The following COL4A3 variants were observed in gnomAD, a reference collection of about 807,000 sequenced individuals.
COL4A3 encodes collagen alpha-3(IV) chain.
COL4A3 carries 135 observed loss-of-function variants against 217.4 expected under a neutral mutation model. The observed-to-expected ratio is 0.62, with a 90% CI of 0.54 to 0.72. The LOEUF is 0.72. Among genes scored for constraint, COL4A3 ranks in the 30% least tolerant of loss-of-function variants. The probability of loss-of-function intolerance (pLI) is 0.00; values close to 1 mark genes in which losing one functional copy is unlikely to be tolerated. For synonymous variants in COL4A3, 690 were observed against 736.3 expected (o/e 0.94, Z 1.02); for missense variants, 1,868 against 2,119.9 (o/e 0.88, Z 2.33).
chr2:227,252,283 G>A (rs1574695060), intron 11 of COL4A3, among the ~76,000 whole-genome samples: 2 of 140,940 alleles, frequency 1.4e-5, no homozygotes, highest in Admixed American at 7.3e-5. Flanking sequence ...GTGCGATCTC[G>A]GCTCACTGCA....
chr2:227,271,811 G>C (rs2071259574), intron 25 of COL4A3, among the ~76,000 whole-genome samples: 1 of 152,106 alleles, frequency 6.6e-6, no homozygotes, highest in Non-Finnish European at 1.5e-5. Context: ...GAGAGGGTGA[G>C]CACCTGTCAT....
At chr2:227,223,990 G>A (rs796091019) in intron 1 of COL4A3, among the ~76,000 whole-genome samples, 87 of 152,294 alleles carry the variant, frequency 5.7e-4, no homozygotes, top group African/African-American at 2.0e-3. Flanking sequence ...GCCTTTAGGT[G>A]TGGGCTCTGA....
At chr2:227,235,772 C>CTTTTTTTTTTTT (rs201024233) in intron 1 of COL4A3, among the ~76,000 whole-genome samples, 1 of 122,442 alleles carries the variant, frequency 8.2e-6, no homozygotes, top group African/African-American at 3.2e-5. Flanking sequence ...TATTTCATTC[C>CTTTTTTTTTTTT]TTTTTTTTTT....
At chr2:227,291,022 T>TA in intron 37 of COL4A3, 136 bp downstream of exon 37, 1 of 1,039,904 alleles carries the variant, frequency 9.6e-7, no homozygotes, top group Non-Finnish European at 1.4e-6. Flanking sequence ...TTTGGATTTT[T>TA]AAAATCCTAT....
chr2:227,303,197 G>A (rs900776645), intron 44 of COL4A3, 87 bp downstream of exon 44: 3 of 1,135,134 alleles, frequency 2.6e-6, no homozygotes, highest in Non-Finnish European at 4.0e-6. Flanking sequence ...CTGAAGTACA[G>A]ACAGCTGGGG....
At chr2:227,166,797 T>C (rs911517148) in intron 1 of COL4A3, among the ~76,000 whole-genome samples, 1 of 152,176 alleles carries the variant, frequency 6.6e-6, no homozygotes, top group South Asian at 2.1e-4. Flanking sequence ...AATCACAACG[T>C]TCACTGATAA....
rs2125972532 is a variant in COL4A3, at chr2:227,263,832, A to G, written c.1203A>G (p.Gly401=). The part of the protein sequence containing the change: ...RGAPGWPGLK[G]SKGERGRPGK... ...CCCCTGGATGGCCAGGCCTGAAAGG[A>G]AGTAAAGGGGAACGAGGCCGCCCAG... The change falls in exon 21 of 52, where the codon GGA becomes GGG. Residue 401 remains glycine, a synonymous_variant. Coordinates refer to ENST00000396578, the MANE Select transcript of COL4A3 (RefSeq NM_000091.5). 6.2e-7 allele frequency: 1 copy of G among 1,614,092 alleles called. No homozygotes were observed. The highest frequency in any genetic ancestry group is 1.1e-5 in the South Asian group (1 of 91,078).
Position 227,307,878 on chromosome 2 carries a change from T to C in COL4A3, c.4421T>C (p.Leu1474Pro), listed in dbSNP as rs200302125. Residue 1474 changes from leucine (L) to proline (P), a missense_variant, in exon 48 of 52, where the codon CTT becomes CCT. Physicochemically the swap from Leu to Pro is moderately conservative, Grantham distance 98. Transcript: ENST00000396578. ...TVPLYSGFSF[L>P]FVQGNQRAHG... is the part of the protein sequence containing the mutation. ...CCACTCTACAGTGGGTTTTCTTTTC[T>C]TTTTGTACAAGGAAATCAACGAGCC... The C allele has an allele frequency of 4.4e-3, 7,096 of 1,614,166 alleles. 23 individuals are homozygous for C. The highest frequency in any genetic ancestry group is 5.7e-3 in the Non-Finnish European group (6,705 of 1,180,002).
At chr2:227,262,208 T>C (rs1255067928) in intron 20 of COL4A3, among the ~76,000 whole-genome samples, 4 of 152,138 alleles carry the variant, frequency 2.6e-5, no homozygotes, top group African/African-American at 4.8e-5. Flanking sequence ...CTGTTAATAG[T>C]AGATATCTCT....
intron 17 of COL4A3, 103 bp downstream of exon 17, chr2:227,256,499 A>T (rs970025834): frequency 2.1e-6 from 2 of 949,588 alleles, no homozygotes; most frequent in Non-Finnish European, 3.5e-6. Context: ...ACAATAACAG[A>T]CTTCATTCAA....
At chr2:227,200,667 C>A (rs1304349703) in intron 1 of COL4A3, among the ~76,000 whole-genome samples, 1 of 152,174 alleles carries the variant, frequency 6.6e-6, no homozygotes. Flanking sequence ...TGTTTTGGGT[C>A]TCAATTGCAA....
chr2:227,169,684 G>A (rs950287384), intron 1 of COL4A3, among the ~76,000 whole-genome samples: 7 of 152,152 alleles, frequency 4.6e-5, no homozygotes, highest in African/African-American at 1.7e-4. Flanking sequence ...CTGCAAAAAT[G>A]TCTTCTTTTG....
chr2:227,259,201 A>G (rs1416426758), intron 18 of COL4A3: 1 of 152,250 alleles, frequency 6.6e-6, no homozygotes, highest in Non-Finnish European at 1.5e-5. Context: ...CCACTTAGGA[A>G]GGAAATGGTT....
chr2:227,257,128 C>A (rs1028070004), intron 17 of COL4A3, among the ~76,000 whole-genome samples: 6 of 152,312 alleles, frequency 3.9e-5, no homozygotes, highest in African/African-American at 1.4e-4. Context: ...CAAACATTGT[C>A]ATGTGGCACA....
intron 1 of COL4A3, among the ~76,000 whole-genome samples, chr2:227,181,825 G>T (rs1165122977): frequency 6.6e-6 from 1 of 152,016 alleles, no homozygotes; most frequent in Non-Finnish European, 1.5e-5. Context: ...TTTAATGACG[G>T]ACATATAGTA....
At chr2:227,294,426 T>C in intron 38 of COL4A3, 64 bp from the exon 39 acceptor site, 1 of 1,051,156 alleles carries the variant, frequency 9.5e-7, no homozygotes, top group Non-Finnish European at 1.5e-6. Flanking sequence ...ACCGTTTCAG[T>C]CACTGTTGTA....
intron 18 of COL4A3, among the ~76,000 whole-genome samples, chr2:227,258,856 A>G (rs930004873): frequency 3.9e-5 from 6 of 152,232 alleles, no homozygotes; most frequent in African/African-American, 1.4e-4. Flanking sequence ...AGGTGCACGC[A>G]TATCATTACA....
chr2:227,212,533 G>C (rs562374069), intron 1 of COL4A3, among the ~76,000 whole-genome samples: 2 of 152,188 alleles, frequency 1.3e-5, no homozygotes, highest in Non-Finnish European at 2.9e-5. Context: ...CCAGGAATCT[G>C]TAGTGCCAGG....
chr2:227,212,765 C>G (rs1412798905), intron 1 of COL4A3, among the ~76,000 whole-genome samples: 1 of 152,206 alleles, frequency 6.6e-6, no homozygotes, highest in Non-Finnish European at 1.5e-5. Flanking sequence ...TTTTATGACT[C>G]TTGGACATCC....
Sources: gnomAD v4.1 joint callset for allele counts (sites outside exome capture counted in the v4.1 genomes callset) on GRCh38, gnomAD v4.1.1 for gene constraint, MANE v1.5 for transcripts, NCBI Gene and HGNC (gene_info 2026-07-23, HGNC 2026-07-21) for gene names.